Variants in DACT2 observed in about 807,000 individuals in gnomAD.
DACT2 encodes the protein dishevelled binding antagonist of beta catenin 2.
In DACT2, 20 loss-of-function variants were observed where a neutral mutation model predicts 22.2. That is an observed-to-expected ratio of 0.90 (90% CI 0.63 to 1.31). The LOEUF is 1.31. Among genes scored for constraint, DACT2 ranks in the 50% most tolerant of loss-of-function variants. The pLI is 0.00. For missense variants in DACT2, 1,048 were observed against 1,061.4 expected (o/e 0.99, Z 0.18); for synonymous variants, 463 against 479.8 (o/e 0.96, Z 0.46).
At chr6:168,296,285 G>A (rs1779007282) in intron 3 of DACT2, among the ~76,000 whole-genome samples, 1 of 150,556 alleles carries the variant, frequency 6.6e-6, no homozygotes, top group African/African-American at 2.5e-5. Flanking sequence ...TGGAGGACAG[G>A]CACCCAGAAT....
chr6:168,303,026 G>T (rs991231446), downstream of DACT2, among the ~76,000 whole-genome samples: 1 of 152,082 alleles, frequency 6.6e-6, no homozygotes, highest in Non-Finnish European at 1.5e-5. Context: ...TAAAAACTAG[G>T]CACCATCACA....
downstream of DACT2, among the ~76,000 whole-genome samples, chr6:168,304,803 A>G (rs2114899657): frequency 6.6e-6 from 1 of 152,350 alleles, no homozygotes; most frequent in East Asian, 1.9e-4. Context: ...AACTGGAGAC[A>G]GAGCTGTCCT....
intron 1 of DACT2, among the ~76,000 whole-genome samples, chr6:168,312,058 C>T (rs1779433974): frequency 6.6e-6 from 1 of 152,234 alleles, no homozygotes; most frequent in African/African-American, 2.4e-5. Flanking sequence ...TAAGTCCCTT[C>T]TCCTTCCCTG....
At position 168,307,299 on chromosome 6, in the gene DACT2, G is replaced by T; in HGVS notation, c.*133C>A. 1 of 1,470,968 alleles carries T rather than the reference G, an allele frequency of 6.8e-7. No individual in the cohort carries two copies. The allele number at this position is 1,470,968 out of a possible 1,614,324, so 91.1% of individuals were successfully genotyped here. A position where few individuals can be genotyped will look rare whatever the true frequency, so the allele number is the denominator to read the frequency against. On this transcript the variant is annotated 3_prime_UTR_variant, in exon 4 of 4. Coordinates refer to ENST00000366795, the MANE Select transcript of DACT2 (RefSeq NM_214462.5). The surrounding 1 kb of genome is among the most constrained non-coding windows in gnomAD (Gnocchi z 5.3). The stretch of plus-strand genomic sequence containing the variant: ...CCACAGGGCAGAACCCATCTGCGGG[G>T]ACTCCTGTTAAACGGTGGCCTCGGA...
Position 168,307,514 on chromosome 6 carries a change from C to T in DACT2, c.2243G>A (p.Cys748Tyr), listed in dbSNP as rs1779241250. 1.5e-5 allele frequency: 24 copies of T among 1,551,494 alleles called. No individual in the cohort carries two copies. The highest frequency in any genetic ancestry group is 2.0e-5 in the Non-Finnish European group (23 of 1,146,982). Residue 748 changes from cysteine to tyrosine, a missense_variant, in exon 4 of 4, where the codon TGC (cysteine) becomes TAC (tyrosine). By Grantham distance (194) the Cys-to-Tyr change is radical. Transcript: ENST00000366795. This position sits in a 1 kb window ranked among gnomAD's most constrained non-coding sequence, Gnocchi z 5.3. Reference sequence around the variant, plus strand: ...CAGGGCCTTGGAGGCCTTAATACGGCACAGCTTGGGCACGGGGGACAGGAG... The same window carrying T: ...CAGGGCCTTGGAGGCCTTAATACGGTACAGCTTGGGCACGGGGGACAGGAG... ...GPLLSPVPKL[C>Y]RIKASKALKK...
At position 168,319,599 on chromosome 6, in the gene DACT2, C is replaced by A. The variant is rs1456382431; in HGVS notation, c.35G>T (p.Gly12Val). ...CGCGCCCAACCTACGGCGGTCCCAG[C>A]CCGCGGACCCCGGGGGTCCGCCCGG... ...WTPGGPPGSA[G>V]WDRRRLGARL... The change falls in exon 1 of 4, where the codon GGC becomes GTC. Residue 12 changes from glycine to valine, a missense_variant. Physicochemically the swap from Gly to Val is moderately radical, Grantham distance 109. Transcript: ENST00000366795. The A allele has an allele frequency of 2.2e-6, 3 of 1,341,544 alleles. No homozygotes were observed. Among genetic ancestry groups the A allele is most frequent in the South Asian group, 3.5e-5 (2 of 57,716 alleles). The allele number at this position is 1,341,544 out of a possible 1,614,324, so 83.1% of individuals were successfully genotyped here.
At chr6:168,300,801 A>G (rs1278102217) in intron 3 of DACT2, among the ~76,000 whole-genome samples, 1 of 152,042 alleles carries the variant, frequency 6.6e-6, no homozygotes. Context: ...CCTGGCCAAC[A>G]TGGTGAAACC....
intron 3 of DACT2, among the ~76,000 whole-genome samples, chr6:168,297,381 TGAGAG>T (rs1253444243): frequency 6.6e-6 from 1 of 151,998 alleles, no homozygotes; most frequent in African/African-American, 2.4e-5. Context: ...GGGGTCCTCA[TGAGAG>T]GAAGAGGGAA....
intron 1 of DACT2, among the ~76,000 whole-genome samples, chr6:168,311,551 T>TACACACACACACCCATACACAC (rs778387834): frequency 2.0e-5 from 2 of 97,824 alleles, no homozygotes; most frequent in African/African-American, 8.3e-5. Context: ...CACACACACA[T>TACACACACACACCCATACACAC]ACACACACTC....
intron 1 of DACT2, among the ~76,000 whole-genome samples, chr6:168,314,900 G>C (rs1197320723): frequency 6.6e-6 from 1 of 152,166 alleles, no homozygotes; most frequent in Admixed American, 6.5e-5. Context: ...CCACAGACTG[G>C]ACTTGTGGAT....
intron 2 of DACT2, 145 bp downstream of exon 2, chr6:168,311,007 G>T: frequency 1.9e-6 from 2 of 1,077,546 alleles, no homozygotes; most frequent in Non-Finnish European, 2.5e-6. Context: ...TTTCAGATCA[G>T]CCTGACGAAG....
At chr6:168,309,772 G>A (rs540800598) in intron 3 of DACT2, among the ~76,000 whole-genome samples, 5 of 152,360 alleles carry the variant, frequency 3.3e-5, no homozygotes, top group South Asian at 4.1e-4. Flanking sequence ...TGCCTTTGGA[G>A]ACAGTCTGAA....
At chr6:168,296,286 C>T (rs1239104772) in intron 3 of DACT2, among the ~76,000 whole-genome samples, 1 of 149,676 alleles carries the variant, frequency 6.7e-6, no homozygotes, top group Non-Finnish European at 1.5e-5. Flanking sequence ...GGAGGACAGG[C>T]ACCCAGAATC....
chr6:168,309,465 G>A (rs937754194), intron 3 of DACT2, among the ~76,000 whole-genome samples: 3 of 152,116 alleles, frequency 2.0e-5, no homozygotes, highest in East Asian at 1.9e-4. Flanking sequence ...CACAGGGTGC[G>A]GGGCCCTATT....
intron 2 of DACT2, among the ~76,000 whole-genome samples, chr6:168,310,896 T>C (rs1779380922): frequency 6.6e-6 from 1 of 152,104 alleles, no homozygotes; most frequent in South Asian, 2.1e-4. Context: ...TGCAATAACG[T>C]CACTTAGACC....
Position 168,319,405 on chromosome 6 carries a change from C to A in DACT2, c.229G>T (p.Ala77Ser), listed in dbSNP as rs1423291438. The A allele has an allele frequency of 4.2e-5, 51 of 1,201,864 alleles. No individual in the cohort carries two copies. The highest frequency in any genetic ancestry group is 5.0e-5 in the Non-Finnish European group (48 of 968,932). 74.4% of individuals were successfully genotyped at this position (1,201,864 alleles called of 1,614,324 possible). A position where few individuals can be genotyped will look rare whatever the true frequency, so the allele number is the denominator to read the frequency against. The change falls in exon 1 of 4, where the codon GCG becomes TCG. Residue 77 changes from alanine to serine, a missense_variant. By Grantham distance (99) the Ala-to-Ser change is moderately conservative. Coordinates refer to ENST00000366795, the MANE Select transcript of DACT2 (RefSeq NM_214462.5). ...GTCCTTACCAGCTGCTCCTGCAGCG[C>A]GGCCAGCGCCGCCTCCAGCTGCTGC... ...PEQQLEAALA[A>S]LQEQLSRLRQ... is the part of the protein sequence containing the mutation.
At chr6:168,311,569 A>ACACACCC (rs1562498471) in intron 1 of DACT2, among the ~76,000 whole-genome samples, 1 of 62,830 alleles carries the variant, frequency 1.6e-5, no homozygotes, top group Non-Finnish European at 3.4e-5. Context: ...CTCACACACA[A>ACACACCC]ACACACACAC....
In DACT2 at chr6:168,307,899, G is replaced by C; in HGVS notation, c.1858C>G (p.Arg620Gly). ...QSTVEISARA[R>G]LASCPESNLG... ...TTAGACTCAGGACAGCTGGCCAGGC[G>C]GGCCCGGGCCGAGATCTCCACGGTG... The change falls in exon 4 of 4, where the codon CGC becomes GGC. Residue 620 changes from arginine (R) to glycine (G), a missense_variant. Physicochemically the swap from Arg to Gly is moderately radical, Grantham distance 125. Transcript: ENST00000366795. This position sits in a 1 kb window ranked among gnomAD's most constrained non-coding sequence, Gnocchi z 5.3. 1 of 1,385,322 alleles carries C rather than the reference G, an allele frequency of 7.2e-7. No homozygotes were observed. Among genetic ancestry groups the C allele is most frequent in the Non-Finnish European group, 9.4e-7 (1 of 1,066,674 alleles). 85.8% of individuals were successfully genotyped at this position (1,385,322 alleles called of 1,614,324 possible). A position where few individuals can be genotyped will look rare whatever the true frequency, so the allele number is the denominator to read the frequency against.
Position 168,308,555 on chromosome 6 carries a change from C to CCCCTGCCGGCAT in DACT2, c.1201_1202insATGCCGGCAGGG (p.Arg400_Gly401insAspAlaGlyArg). ...CATGTATCCCTGCTGCTGGGGCCCG[C>CCCCTGCCGGCAT]CCCTGCCGGCACCCCTGCTCTGAGC... On this transcript the variant is annotated inframe_insertion, in exon 4 of 4. Coordinates refer to ENST00000366795, the MANE Select transcript of DACT2 (RefSeq NM_214462.5). The CCCCTGCCGGCAT allele has an allele frequency of 6.5e-7, 1 of 1,530,120 alleles. No individual in the cohort carries two copies. Among genetic ancestry groups the CCCCTGCCGGCAT allele is most frequent in the South Asian group, 1.2e-5 (1 of 83,364 alleles). The allele number at this position is 1,530,120 out of a possible 1,614,324, so 94.8% of individuals were successfully genotyped here.
Sources: gnomAD v4.1 joint callset for allele counts (sites outside exome capture counted in the v4.1 genomes callset) on GRCh38, gnomAD v4.1.1 for gene constraint, Gnocchi (gnomAD v3.1) non-coding constraint, MANE v1.5 for transcripts, NCBI Gene and HGNC (gene_info 2026-07-23, HGNC 2026-07-21) for gene names.